The following CCDC60 variants were observed in gnomAD, a reference collection of about 807,000 sequenced individuals.
CCDC60 encodes the protein coiled-coil domain-containing protein 60.
CCDC60 carries 54 observed loss-of-function variants against 63.5 expected under a neutral mutation model. The ratio of observed to expected loss-of-function variants is 0.85; its 90% CI spans 0.68 to 1.07. CCDC60 has a LOEUF of 1.07. Among genes scored for constraint, CCDC60 ranks in the 50% least tolerant of loss-of-function variants. The probability of loss-of-function intolerance (pLI) is 0.00; values close to 1 mark genes in which losing one functional copy is unlikely to be tolerated. For synonymous variants in CCDC60, 206 were observed against 238.8 expected (o/e 0.86, Z 1.27); for missense variants, 651 against 684.3 (o/e 0.95, Z 0.54).
intron 1 of CCDC60, among the ~76,000 whole-genome samples, chr12:119,406,988 G>A (rs556518985): frequency 6.6e-6 from 1 of 152,228 alleles, no homozygotes; most frequent in African/African-American, 2.4e-5. Context: ...ACCACTTTAG[G>A]GACAGCTAAG....
chr12:119,419,143 A>C (rs1040006659), intron 1 of CCDC60, among the ~76,000 whole-genome samples: 1 of 152,148 alleles, frequency 6.6e-6, no homozygotes, highest in Non-Finnish European at 1.5e-5. Context: ...GATCTGCATC[A>C]TGGTCTAGGG....
intron 2 of CCDC60, among the ~76,000 whole-genome samples, chr12:119,431,971 G>A (rs138269887): frequency 3.1e-3 from 466 of 152,300 alleles, no homozygotes; most frequent in Non-Finnish European, 3.5e-3. Flanking sequence ...AAGCCACCAT[G>A]CCCGGCCCTT....
chr12:119,448,035 A>T (rs755361636), intron 2 of CCDC60: 2 of 152,130 alleles, frequency 1.3e-5, no homozygotes, highest in Non-Finnish European at 2.9e-5. Flanking sequence ...GAATGGGGAC[A>T]TGTTTGTCAA....
At chr12:119,506,925 A>C (rs1593187331) in intron 7 of CCDC60, among the ~76,000 whole-genome samples, 1 of 152,280 alleles carries the variant, frequency 6.6e-6, no homozygotes, top group East Asian at 1.9e-4. Flanking sequence ...GAAAGAAGAG[A>C]GGGTAAGACA....
At chr12:119,486,709 G>A (rs1382245336) in intron 4 of CCDC60, among the ~76,000 whole-genome samples, 1 of 152,144 alleles carries the variant, frequency 6.6e-6, no homozygotes, top group Non-Finnish European at 1.5e-5. Flanking sequence ...CAGAGGTGAG[G>A]GGATGGGGTA....
At chr12:119,488,944 A>G (rs1004095635) in intron 5 of CCDC60, 78 bp downstream of exon 5, 4 of 1,190,022 alleles carry the variant, frequency 3.4e-6, no homozygotes, top group Non-Finnish European at 5.0e-6. Flanking sequence ...ATGTTCTTCC[A>G]CTCCCTTTGC....
chr12:119,440,667 A>G (rs1018952181), intron 2 of CCDC60, among the ~76,000 whole-genome samples: 1 of 152,198 alleles, frequency 6.6e-6, no homozygotes, highest in Non-Finnish European at 1.5e-5. Context: ...TTTACCGGGA[A>G]GTAGTCTCAG....
intron 4 of CCDC60, among the ~76,000 whole-genome samples, chr12:119,486,089 G>A (rs1219688808): frequency 6.6e-6 from 1 of 152,222 alleles, no homozygotes; most frequent in Admixed American, 6.5e-5. Context: ...GTTATGGGGA[G>A]GGTATAGTGA....
At chr12:119,453,034 C>A (rs1288554696) in intron 2 of CCDC60, among the ~76,000 whole-genome samples, 2 of 152,108 alleles carry the variant, frequency 1.3e-5, no homozygotes, top group African/African-American at 4.8e-5. Flanking sequence ...ACCATGTTGG[C>A]CAGACTGGTC....
At chr12:119,506,543 G>A (rs1226165979) in intron 7 of CCDC60, among the ~76,000 whole-genome samples, 3 of 151,780 alleles carry the variant, frequency 2.0e-5, no homozygotes, top group East Asian at 1.9e-4. Flanking sequence ...AGCCTAGGAC[G>A]TAGGGGCTGA....
chr12:119,428,650 T>C, intron 1 of CCDC60, 33 bp from the exon 2 acceptor site: 1 of 1,420,588 alleles, frequency 7.0e-7, no homozygotes, highest in Non-Finnish European at 9.8e-7. Context: ...GTATTAACAC[T>C]CCTTTTATTT....
intron 2 of CCDC60, among the ~76,000 whole-genome samples, chr12:119,459,001 G>A (rs1950803491): frequency 6.6e-6 from 1 of 152,112 alleles, no homozygotes; most frequent in East Asian, 1.9e-4. Flanking sequence ...ACCTCCGTCG[G>A]CCGCCCAAAG....
intron 2 of CCDC60, among the ~76,000 whole-genome samples, chr12:119,431,724 G>T (rs1440608446): frequency 6.6e-6 from 1 of 152,184 alleles, no homozygotes; most frequent in Non-Finnish European, 1.5e-5. Flanking sequence ...TGTTGCCCAG[G>T]CTGGCGTGCA....
intron 1 of CCDC60, among the ~76,000 whole-genome samples, chr12:119,362,491 A>G (rs1177780212): frequency 1.3e-5 from 2 of 152,132 alleles, no homozygotes; most frequent in Non-Finnish European, 2.9e-5. Context: ...TCCATTCTTG[A>G]TCTTCATGTA....
Position 119,444,927 on chromosome 12 carries a change from CT to C in CCDC60, c.170+16175del, listed in dbSNP as rs112594419. Among the ~76,000 whole-genome samples, 1,469 of 149,254 alleles carry C rather than the reference CT, an allele frequency of 9.8e-3. 24 individuals are homozygous for C. Among genetic ancestry groups the C allele is most frequent in the African/African-American group, 0.033 (1,333 of 40,700 alleles). On this transcript the variant is annotated intron_variant, in intron 2 of 13. Transcript: ENST00000327554. ...AAAACTTACAGGAAGAGCAAAATGG[CT>C]TTTTTTTTTCTATTAGGTGCCCAGA...
chr12:119,469,489 A>C (rs1951015082), intron 2 of CCDC60, among the ~76,000 whole-genome samples: 1 of 152,078 alleles, frequency 6.6e-6, no homozygotes, highest in African/African-American at 2.4e-5. Flanking sequence ...CAAACTCCTG[A>C]CCTCAAGTGA....
intron 2 of CCDC60, among the ~76,000 whole-genome samples, chr12:119,452,637 C>T (rs1950655034): frequency 6.6e-6 from 1 of 152,028 alleles, no homozygotes; most frequent in Non-Finnish European, 1.5e-5. Flanking sequence ...TACTGGCACA[C>T]GGTAATGAGT....
At chr12:119,536,455 T>C (rs575393574) in intron 13 of CCDC60, among the ~76,000 whole-genome samples, 1 of 152,320 alleles carries the variant, frequency 6.6e-6, no homozygotes, top group South Asian at 2.1e-4. Flanking sequence ...GATCCCGTCA[T>C]TATGATGTTA....
chr12:119,491,923 G>C (rs188328193), intron 5 of CCDC60, among the ~76,000 whole-genome samples: 48 of 152,240 alleles, frequency 3.2e-4, no homozygotes, highest in African/African-American at 1.1e-3. Flanking sequence ...CTTTCCTTTG[G>C]TTGGTTTTAG....
Sources: allele counts gnomAD v4.1 joint callset (sites outside exome capture counted in the v4.1 genomes callset), GRCh38; gene constraint gnomAD v4.1.1; transcripts MANE v1.5; gene names NCBI Gene and HGNC (gene_info 2026-07-23, HGNC 2026-07-21).